Variants in CLMN observed in about 807,000 individuals in gnomAD.
The protein encoded by CLMN is calmin (calponin-like, transmembrane).
In CLMN, 57 loss-of-function variants were observed where a neutral mutation model predicts 92.7. That is an observed-to-expected ratio of 0.61 (90% CI 0.50 to 0.77). CLMN has a LOEUF of 0.77. CLMN is among the 30% of genes least tolerant of loss of function. The pLI is 0.00. For synonymous variants in CLMN, 466 were observed against 470.6 expected, an observed-to-expected ratio of 0.99 and a Z score of 0.13; for missense variants, 1,158 against 1,237.5, an observed-to-expected ratio of 0.94 and a Z score of 0.96.
intron 9 of CLMN, among the ~76,000 whole-genome samples, chr14:95,201,671 A>T (rs1057059913): frequency 6.6e-6 from 1 of 151,408 alleles, no homozygotes; most frequent in Non-Finnish European, 1.5e-5. Flanking sequence ...TGCACCTATC[A>T]ACCCATCATC....
intron 7 of CLMN, among the ~76,000 whole-genome samples, chr14:95,209,718 T>C (rs1566868122): frequency 6.6e-6 from 1 of 152,250 alleles, no homozygotes; most frequent in Non-Finnish European, 1.5e-5. Flanking sequence ...ATTCTGTCCC[T>C]TCTTCCTTGC....
intron 9 of CLMN, among the ~76,000 whole-genome samples, chr14:95,198,706 T>C (rs1026303710): frequency 6.6e-6 from 1 of 152,106 alleles, no homozygotes; most frequent in Non-Finnish European, 1.5e-5. Context: ...ATCTCCCGAT[T>C]CTACCACTGC....
intron 1 of CLMN, among the ~76,000 whole-genome samples, chr14:95,232,043 C>T (rs1039356689): frequency 1.4e-4 from 21 of 152,278 alleles, no homozygotes; most frequent in Admixed American, 9.8e-4. Context: ...GATGAAGAAA[C>T]GGAGGGGCAA....
chr14:95,279,882 C>T (rs1050813706), intron 1 of CLMN, among the ~76,000 whole-genome samples: 3 of 151,722 alleles, frequency 2.0e-5, no homozygotes, highest in South Asian at 2.1e-4. Context: ...TATATTGAGA[C>T]GACTAAAGAA....
In CLMN at chr14:95,294,730, C is replaced by T. The variant is rs1027955543; in HGVS notation, c.82+24981G>A. Among the ~76,000 whole-genome samples, 3 of 152,250 alleles carry T rather than the reference C, an allele frequency of 2.0e-5. No homozygotes were observed. The highest frequency in any genetic ancestry group is 4.4e-5 in the Non-Finnish European group (3 of 68,048). On this transcript the variant is annotated intron_variant, in intron 1 of 12. Transcript: ENST00000298912. The surrounding 1 kb of genome is among the most constrained non-coding windows in gnomAD (Gnocchi z 4.2). ...CTGTGTCCTGGGGGCAGGTCCTCCA[C>T]AGGTTGTGTCACTGGGCACCTGGTC...
intron 1 of CLMN, among the ~76,000 whole-genome samples, chr14:95,273,173 A>C (rs1470346937): frequency 6.6e-6 from 1 of 152,218 alleles, no homozygotes; most frequent in African/African-American, 2.4e-5. Context: ...TGTGATGGAA[A>C]GGACATTCCA....
chr14:95,221,166 G>A (rs11844585), intron 4 of CLMN, among the ~76,000 whole-genome samples: 11,459 of 151,950 alleles, frequency 0.075, 494 homozygotes, highest in African/African-American at 0.1. Flanking sequence ...CCTCCCTGCT[G>A]AGCCACCCCC....
intron 8 of CLMN, among the ~76,000 whole-genome samples, chr14:95,204,984 C>T (rs534999624): frequency 4.6e-5 from 7 of 152,270 alleles, no homozygotes; most frequent in African/African-American, 7.2e-5. Flanking sequence ...AATTAGCCCA[C>T]ACAGGGAATT....
At chr14:95,304,174 C>CA (rs1901176096) in intron 1 of CLMN, among the ~76,000 whole-genome samples, 1 of 151,822 alleles carries the variant, frequency 6.6e-6, no homozygotes, top group Non-Finnish European at 1.5e-5. Flanking sequence ...TTTGTCTCTA[C>CA]AAAAAAATAA....
Position 95,183,775 on chromosome 14 carries a change from A to G in CLMN, c.*7789T>C, listed in dbSNP as rs1472189519. On this transcript the variant is annotated 3_prime_UTR_variant, in exon 13 of 13. Transcript: ENST00000298912. ...CAAATTTGCAACTGCAGTGAAGTTT[A>G]GAGTGTTTGAAAATAACAGTCCTAT... The G allele has an allele frequency of 6.6e-6, 1 of 152,242 alleles. No individual in the cohort carries two copies. Among genetic ancestry groups the G allele is most frequent in the African/African-American group, 2.4e-5 (1 of 41,466 alleles). 9.4% of individuals were successfully genotyped at this position (152,242 alleles called of 1,614,324 possible).
At chr14:95,204,603 G>C in intron 8 of CLMN, 140 bp from the exon 9 acceptor site, 11 of 785,610 alleles carry the variant, frequency 1.4e-5, no homozygotes. Context: ...AACAAAAATG[G>C]AAAAAGCCAC....
Position 95,234,815 on chromosome 14 carries a change from T to C in CLMN, c.83-4682A>G, listed in dbSNP as rs185767787. ...TGGGACATTCCTCTCTTCTCCAGGC[T>C]GTCCGTGGCTGGCTCAGGAGTTCAG... On this transcript the variant is annotated intron_variant, in intron 1 of 12. Transcript: ENST00000298912. Among the ~76,000 whole-genome samples the C allele has an allele frequency of 5.9e-3, 905 of 152,344 alleles. 4 individuals are homozygous for C. The highest frequency in any genetic ancestry group is 0.023 in the Admixed American group (351 of 15,306).
intron 1 of CLMN, among the ~76,000 whole-genome samples, chr14:95,316,258 A>G (rs1901764784): frequency 6.6e-6 from 1 of 152,204 alleles, no homozygotes; most frequent in Non-Finnish European, 1.5e-5. Context: ...GCATCCTGCA[A>G]TTCCATCTTC....
chr14:95,233,240 A>G (rs981325966), intron 1 of CLMN, among the ~76,000 whole-genome samples: 8 of 152,204 alleles, frequency 5.3e-5, no homozygotes, highest in African/African-American at 1.7e-4. Flanking sequence ...TTAGGCTGCT[A>G]GTTTAACTAC....
intron 1 of CLMN, among the ~76,000 whole-genome samples, chr14:95,260,896 G>A (rs1899224620): frequency 2.6e-5 from 4 of 152,094 alleles, no homozygotes; most frequent in Admixed American, 2.6e-4. Context: ...TTGTTTTTGT[G>A]GAAATACAGT....
At chr14:95,232,361 A>G (rs1050612047) in intron 1 of CLMN, among the ~76,000 whole-genome samples, 10 of 152,272 alleles carry the variant, frequency 6.6e-5, no homozygotes, top group African/African-American at 2.4e-4. Flanking sequence ...TTTAGCAATA[A>G]GAAAATGAGA....
intron 1 of CLMN, among the ~76,000 whole-genome samples, chr14:95,299,450 A>T (rs1900948794): frequency 6.6e-6 from 1 of 152,152 alleles, no homozygotes; most frequent in African/African-American, 2.4e-5. Context: ...CATTCATGCC[A>T]CTGTTTGCTA....
chr14:95,203,686 A>C lies in CLMN; in HGVS notation c.1663T>G (p.Tyr555Asp). The C allele has an allele frequency of 6.2e-7, 1 of 1,614,188 alleles. No homozygotes were observed. The highest frequency in any genetic ancestry group is 8.5e-7 in the Non-Finnish European group (1 of 1,180,026). ...GCTTTTAATGGGATGGCTTCAAAAT[A>C]GTCTCCCTCCTCTAAAGCTTCTACA... The part of the protein sequence containing the change: ...MTVEALEEGD[Y>D]FEAIPLKASK... The change falls in exon 9 of 13, where the codon TAT (tyrosine) becomes GAT (aspartate). Residue 555 changes from tyrosine (Y) to aspartate (D), a missense_variant. By Grantham distance (160) the Tyr-to-Asp change is radical. Coordinates refer to ENST00000298912, the MANE Select transcript of CLMN (RefSeq NM_024734.4).
intron 1 of CLMN, among the ~76,000 whole-genome samples, chr14:95,283,231 G>A (rs1900208279): frequency 1.3e-5 from 2 of 152,192 alleles, no homozygotes; most frequent in Admixed American, 1.3e-4. Flanking sequence ...TTTTGCTTTT[G>A]CTTCTTTCTC....
Sources: allele counts gnomAD v4.1 joint callset (sites outside exome capture counted in the v4.1 genomes callset), GRCh38; gene constraint gnomAD v4.1.1; non-coding constraint Gnocchi (gnomAD v3.1); transcripts MANE v1.5; gene names NCBI Gene and HGNC (gene_info 2026-07-23, HGNC 2026-07-21).